Variants in CDK14 observed in about 807,000 individuals in gnomAD.
CDK14 encodes the protein cyclin dependent kinase 14.
A neutral mutation model predicts 60.7 loss-of-function variants in CDK14; 34 were observed. That is an observed-to-expected ratio of 0.56 (90% CI 0.43 to 0.75). The LOEUF (loss-of-function observed/expected upper bound fraction) is 0.75, where lower values mean the gene tolerates loss of function less well. CDK14 is among the 30% of genes least tolerant of loss of function. The probability of loss-of-function intolerance (pLI) is 0.00; values close to 1 mark genes in which losing one functional copy is unlikely to be tolerated. For synonymous variants in CDK14, 197 were observed against 203.7 expected (o/e 0.97, Z 0.28); for missense variants, 482 against 564.1 (o/e 0.85, Z 1.47).
At chr7:90,682,233 CT>C (rs1003077226) in intron 2 of CDK14, among the ~76,000 whole-genome samples, 47 of 151,994 alleles carry the variant, frequency 3.1e-4, no homozygotes, top group African/African-American at 1.1e-3. Context: ...CTAGAAAAAT[CT>C]TTAAGGGAAA....
intron 4 of CDK14, among the ~76,000 whole-genome samples, chr7:90,776,332 C>T (rs1805043271): frequency 1.3e-5 from 2 of 152,162 alleles, no homozygotes; most frequent in South Asian, 4.1e-4. Flanking sequence ...TCTTGCTCCA[C>T]CTGGAACAAT....
At chr7:91,033,261 G>T (rs746610789) in intron 10 of CDK14, among the ~76,000 whole-genome samples, 2 of 152,160 alleles carry the variant, frequency 1.3e-5, no homozygotes, top group Non-Finnish European at 2.9e-5. Flanking sequence ...CTTGCAGAGT[G>T]CCAAGCCAGT....
chr7:90,639,203 T>C (rs9641071), intron 2 of CDK14, among the ~76,000 whole-genome samples: 90,613 of 151,882 alleles, frequency 0.6, 27,459 homozygotes, highest in East Asian at 0.71. Context: ...GGAGGAGAGG[T>C]GCTCTGCTTA....
intron 5 of CDK14, among the ~76,000 whole-genome samples, chr7:90,846,333 C>T (rs1360334548): frequency 2.0e-5 from 3 of 152,186 alleles, no homozygotes; most frequent in Non-Finnish European, 2.9e-5. Context: ...TTGTTACACT[C>T]TCATGCACTT....
chr7:90,647,723 G>A (rs927994507), intron 2 of CDK14, among the ~76,000 whole-genome samples: 10 of 152,150 alleles, frequency 6.6e-5, no homozygotes, highest in Non-Finnish European at 1.5e-4. Flanking sequence ...AGGTGCAGTA[G>A]CTCATGCCTG....
intron 10 of CDK14, among the ~76,000 whole-genome samples, chr7:91,014,590 G>A (rs567429271): frequency 6.6e-6 from 1 of 152,148 alleles, no homozygotes; most frequent in South Asian, 2.1e-4. Context: ...TAAGTGTGAT[G>A]TAGAGGTAGC....
intron 2 of CDK14, among the ~76,000 whole-genome samples, chr7:90,707,879 G>T (rs927643681): frequency 5.3e-5 from 8 of 152,132 alleles, no homozygotes; most frequent in African/African-American, 1.9e-4. Flanking sequence ...ATAATCACTT[G>T]CTTTATTTCT....
intron 2 of CDK14, among the ~76,000 whole-genome samples, chr7:90,628,705 C>T (rs371363906): frequency 1.3e-5 from 2 of 152,030 alleles, no homozygotes; most frequent in Non-Finnish European, 1.5e-5. Flanking sequence ...CATGGGGTTG[C>T]GTGCCTGTAG....
At chr7:90,650,354 A>G (rs1800604612) in intron 2 of CDK14, among the ~76,000 whole-genome samples, 1 of 151,956 alleles carries the variant, frequency 6.6e-6, no homozygotes, top group South Asian at 2.1e-4. Flanking sequence ...GATTCTGGAT[A>G]TTAGCCCTTT....
chr7:90,641,595 G>T (rs763834995), intron 2 of CDK14, among the ~76,000 whole-genome samples: 69 of 151,998 alleles, frequency 4.5e-4, no homozygotes, highest in Non-Finnish European at 8.2e-4. Context: ...ACAGAAAGTA[G>T]ATTAATGGTT....
At chr7:91,032,613 C>T (rs1374542889) in intron 10 of CDK14, among the ~76,000 whole-genome samples, 1 of 152,090 alleles carries the variant, frequency 6.6e-6, no homozygotes, top group Non-Finnish European at 1.5e-5. Flanking sequence ...GATGCATCCA[C>T]AAGCCAAGTA....
intron 10 of CDK14, among the ~76,000 whole-genome samples, chr7:91,019,320 C>T (rs755822871): frequency 6.6e-6 from 1 of 152,070 alleles, no homozygotes; most frequent in Non-Finnish European, 1.5e-5. Context: ...ATGTCTGTAA[C>T]GTTAAGCTTT....
At chr7:91,180,200 A>G (rs1236544406) in intron 14 of CDK14, among the ~76,000 whole-genome samples, 3 of 152,230 alleles carry the variant, frequency 2.0e-5, no homozygotes, top group Non-Finnish European at 2.9e-5. Context: ...TTGAGTAAGC[A>G]TGATCATTAA....
chr7:90,930,333 G>A (rs111508769), intron 8 of CDK14, among the ~76,000 whole-genome samples: 30 of 152,146 alleles, frequency 2.0e-4, no homozygotes, highest in African/African-American at 7.0e-4. Flanking sequence ...TTTGTCACAT[G>A]TATCCTTCAT....
chr7:91,129,721 A>G (rs1370199640), intron 14 of CDK14, among the ~76,000 whole-genome samples: 2 of 152,188 alleles, frequency 1.3e-5, no homozygotes, highest in East Asian at 3.8e-4. Context: ...AGAGCTTTCA[A>G]TAGAAAATTT....
chr7:90,892,029 G>A (rs544314997), intron 6 of CDK14, among the ~76,000 whole-genome samples: 1 of 152,282 alleles, frequency 6.6e-6, no homozygotes, highest in South Asian at 2.1e-4. Flanking sequence ...TACTGAAAGA[G>A]GAAGCCTATT....
chr7:90,726,847 C>T lies in CDK14; in HGVS notation c.369+35C>T, dbSNP rs1392317555. ...GTCTTTTTGTTTATCACTGGGTAAACAGAAGGAATAGCCTTCTTATGATAG... is the reference window on the plus strand; with the variant it reads ...GTCTTTTTGTTTATCACTGGGTAAATAGAAGGAATAGCCTTCTTATGATAG... On this transcript the variant is annotated intron_variant, in intron 3 of 14. Coordinates refer to ENST00000380050, the MANE Select transcript of CDK14 (RefSeq NM_001287135.2). The T allele has an allele frequency of 5.0e-6, 8 of 1,609,384 alleles. No homozygotes were observed. In the African/African-American group the frequency reaches 8.0e-5, roughly 16 times the overall value.
At chr7:90,839,342 C>G (rs1790214291) in intron 5 of CDK14, among the ~76,000 whole-genome samples, 2 of 152,102 alleles carry the variant, frequency 1.3e-5, no homozygotes, top group South Asian at 2.1e-4. Flanking sequence ...AGCTGTGTGC[C>G]TTTTTGTACT....
At chr7:90,956,462 A>T (rs182675157) in intron 9 of CDK14, among the ~76,000 whole-genome samples, 5 of 152,330 alleles carry the variant, frequency 3.3e-5, no homozygotes, top group Non-Finnish European at 5.9e-5. Flanking sequence ...TCCAAATCAA[A>T]CAATCAAATA....
Sources: allele counts gnomAD v4.1 joint callset (sites outside exome capture counted in the v4.1 genomes callset), GRCh38; gene constraint gnomAD v4.1.1; transcripts MANE v1.5; gene names NCBI Gene and HGNC (gene_info 2026-07-23, HGNC 2026-07-21).